The following MNDA variants were observed in gnomAD, a reference collection of about 807,000 sequenced individuals.
The protein encoded by MNDA is myeloid cell nuclear differentiation antigen, also known as epididymis secretory sperm binding protein.
A neutral mutation model predicts 37.8 loss-of-function variants in MNDA; 43 were observed. That is an observed-to-expected ratio of 1.14 (90% CI 0.89 to 1.47). MNDA has a LOEUF of 1.47. Ranked by LOEUF, MNDA falls within the 40% of genes most tolerant of loss-of-function variation. MNDA has a pLI of 0.00. For synonymous variants in MNDA, 181 were observed against 169.0 expected (o/e 1.07, Z -0.55); for missense variants, 536 against 476.0 (o/e 1.13, Z -1.17).
intron 1 of MNDA, among the ~76,000 whole-genome samples, chr1:158,835,372 G>T (rs1658886136): frequency 6.6e-6 from 1 of 151,996 alleles, no homozygotes; most frequent in African/African-American, 2.4e-5. Context: ...ATTGTATACA[G>T]AAAAAGAACT....
chr1:158,847,981 A>C, intron 6 of MNDA, 65 bp downstream of exon 6: 3 of 1,466,530 alleles, frequency 2.0e-6, no homozygotes, highest in Non-Finnish European at 2.8e-6. Context: ...AGGCTTTGGG[A>C]ACACCAGGTT....
chr1:158,839,205 T>C (rs1274119060), intron 1 of MNDA, among the ~76,000 whole-genome samples: 5 of 152,192 alleles, frequency 3.3e-5, no homozygotes, highest in Non-Finnish European at 5.9e-5. Flanking sequence ...CATTGTTAAC[T>C]GGCACCATAT....
Position 158,837,662 on chromosome 1 carries a change from T to C in MNDA, c.-20-4472T>C, listed in dbSNP as rs866578688. ...GTTTTTAAATTCATTGTGATATATATGTATATATAATTTTAATATGCTTTT... is the reference window on the plus strand; with the variant it reads ...GTTTTTAAATTCATTGTGATATATACGTATATATAATTTTAATATGCTTTT... On this transcript the variant is annotated intron_variant, in intron 1 of 6. Transcript: ENST00000368141. Among the ~76,000 whole-genome samples, 36 of 151,840 alleles carry C rather than the reference T, an allele frequency of 2.4e-4. 1 individual carries two copies. The highest frequency in any genetic ancestry group is 8.7e-4 in the African/African-American group (36 of 41,432).
At chr1:158,831,594 G>C (rs1489178089) in intron 1 of MNDA, 37 bp downstream of exon 1, 1 of 152,138 alleles carries the variant, frequency 6.6e-6, no homozygotes, top group Non-Finnish European at 1.5e-5. Context: ...GAAAGATCTA[G>C]GTATCTAGTT....
Position 158,845,966 on chromosome 1 carries a change from C to G in MNDA, c.950C>G (p.Ser317Cys). 1 of 1,614,028 alleles carries G rather than the reference C, an allele frequency of 6.2e-7. No individual in the cohort carries two copies. The highest frequency in any genetic ancestry group is 8.5e-7 in the Non-Finnish European group (1 of 1,179,960). ...PKISQLYKQA[S>C]GTMVYGLFML... ...ATCAGTCAACTTTACAAGCAAGCAT[C>G]TGGAACAATGGTGTATGGGTTGTTT... Residue 317 changes from serine to cysteine, a missense_variant, in exon 5 of 7, where the codon TCT (serine) becomes TGT (cysteine). By Grantham distance (112) the Ser-to-Cys change is moderately radical. Coordinates refer to ENST00000368141, the MANE Select transcript of MNDA (RefSeq NM_002432.3).
At chr1:158,838,922 A>T (rs975545403) in intron 1 of MNDA, among the ~76,000 whole-genome samples, 6 of 151,632 alleles carry the variant, frequency 4.0e-5, no homozygotes, top group South Asian at 2.1e-4. Context: ...AATTTATGGA[A>T]TTTTTTCTGG....
chr1:158,839,494 C>A (rs747426344), intron 1 of MNDA, among the ~76,000 whole-genome samples: 1 of 152,188 alleles, frequency 6.6e-6, no homozygotes, highest in Non-Finnish European at 1.5e-5. Flanking sequence ...CCCACCACTA[C>A]TTTTTGCAGC....
intron 1 of MNDA, among the ~76,000 whole-genome samples, chr1:158,841,066 C>A (rs1558056092): frequency 6.6e-6 from 1 of 152,062 alleles, no homozygotes; most frequent in Non-Finnish European, 1.5e-5. Flanking sequence ...AGAGTGGGAC[C>A]ACAACAGCTC....
chr1:158,838,235 G>A (rs1041435663), intron 1 of MNDA, among the ~76,000 whole-genome samples: 1 of 151,956 alleles, frequency 6.6e-6, no homozygotes, highest in Non-Finnish European at 1.5e-5. Flanking sequence ...GTTTCAGCTT[G>A]AAGAAATCTC....
Position 158,845,698 on chromosome 1 carries a change from CCAGAAAATGGGAAAAGCACAA to C in MNDA, c.683_703del (p.Pro228_Met235delinsLeu). The C allele has an allele frequency of 6.2e-7, 1 of 1,614,082 alleles. No individual in the cohort carries two copies. Among genetic ancestry groups the C allele is most frequent in the Non-Finnish European group, 8.5e-7 (1 of 1,180,010 alleles). ...AACAGCGCCATTTAAATACGAGTCC[CCAGAAAATGGGAAAAGCACAA>C]TGTTTCATGCTACAGTGGCCAGTAA... On this transcript the variant is annotated inframe_deletion, in exon 5 of 7. Transcript: ENST00000368141.
chr1:158,845,577 C>G lies in MNDA; in HGVS notation c.571-10C>G. The G allele has an allele frequency of 6.2e-7, 1 of 1,604,382 alleles. No individual in the cohort carries two copies. The highest frequency in any genetic ancestry group is 8.5e-7 in the Non-Finnish European group (1 of 1,175,542). On this transcript the variant is annotated splice_polypyrimidine_tract_variant and intron_variant, in intron 4 of 6. Transcript: ENST00000368141. ...TTTTAAGTTTATTTTCTTGTGTCTG[C>G]CCAACACAGAATCAGGAAACCCAGG...
chr1:158,837,403 G>A lies in MNDA; in HGVS notation c.-20-4731G>A, dbSNP rs1658940309. Among the ~76,000 whole-genome samples, 4 of 151,794 alleles carry A rather than the reference G, an allele frequency of 2.6e-5. No homozygotes were observed. In the South Asian group the frequency reaches 6.2e-4, roughly 24 times the overall value. On this transcript the variant is annotated intron_variant, in intron 1 of 6. Transcript: ENST00000368141. Reference sequence around the variant, plus strand: ...GAGCCCTGATGTTTTGTGCATGTATGTTTCTAATTGTCATATCTTCTAGGT... The same window carrying A: ...GAGCCCTGATGTTTTGTGCATGTATATTTCTAATTGTCATATCTTCTAGGT...
chr1:158,835,360 C>A (rs1393231269), intron 1 of MNDA, among the ~76,000 whole-genome samples: 1 of 152,016 alleles, frequency 6.6e-6, no homozygotes. Context: ...CTACTTTAAG[C>A]TATTGTATAC....
Position 158,849,484 on chromosome 1 carries a change from A to G in MNDA, c.*247A>G. The G allele has an allele frequency of 2.3e-6, 1 of 434,344 alleles. No homozygotes were observed. The highest frequency in any genetic ancestry group is 4.2e-6 in the Non-Finnish European group (1 of 240,942). The allele number at this position is 434,344 out of a possible 1,614,324, so 26.9% of individuals were successfully genotyped here. A position where few individuals can be genotyped will look rare whatever the true frequency, so the allele number is the denominator to read the frequency against. On this transcript the variant is annotated 3_prime_UTR_variant, in exon 7 of 7. Transcript: ENST00000368141. ...ATGACATTCACGAGGCAAAAAATAAAATATCTTTTTTTGAAGGACATTATT... is the reference window on the plus strand; with the variant it reads ...ATGACATTCACGAGGCAAAAAATAAGATATCTTTTTTTGAAGGACATTATT...
chr1:158,836,140 G>GT (rs928221830), intron 1 of MNDA, among the ~76,000 whole-genome samples: 3 of 133,598 alleles, frequency 2.2e-5, no homozygotes, highest in Non-Finnish European at 4.9e-5. Flanking sequence ...CTAGCATTTT[G>GT]TAAAAAAAAA....
At chr1:158,843,512 A>T in intron 3 of MNDA, 97 bp downstream of exon 3, 1 of 1,245,630 alleles carries the variant, frequency 8.0e-7, no homozygotes, top group East Asian at 2.9e-5. Context: ...GCTTAGATTT[A>T]CCAAATTAGT....
chr1:158,842,216 T>C lies in MNDA; in HGVS notation c.63T>C (p.His21=). The change falls in exon 2 of 7, where the codon CAT becomes CAC. Residue 21 remains histidine, a synonymous_variant. Coordinates refer to ENST00000368141, the MANE Select transcript of MNDA (RefSeq NM_002432.3). ...GATTTGAGCTCATGGATGATTATCA[T>C]TTTACATCAATTAAGTCCTTACTGG... The part of the protein sequence containing the change: ...LKGFELMDDY[H]FTSIKSLLAY... 1 of 1,613,982 alleles carries C rather than the reference T, an allele frequency of 6.2e-7. No individual in the cohort carries two copies. The highest frequency in any genetic ancestry group is 8.5e-7 in the Non-Finnish European group (1 of 1,179,884).
chr1:158,840,103 G>A (rs909125223), intron 1 of MNDA, among the ~76,000 whole-genome samples: 4 of 152,118 alleles, frequency 2.6e-5, no homozygotes, highest in African/African-American at 9.7e-5. Flanking sequence ...TACATTGTAT[G>A]TAGGCACTGC....
At position 158,843,283 on chromosome 1, in the gene MNDA, T is replaced by C; in HGVS notation, c.270T>C (p.Ala90=). Residue 90 remains alanine, a synonymous_variant, in exon 3 of 7, where the codon GCT becomes GCC. Coordinates refer to ENST00000368141, the MANE Select transcript of MNDA (RefSeq NM_002432.3). The stretch of plus-strand genomic sequence containing the variant: ...CTTTTTCTTTTCTTTTGTCAGTTGC[T>C]AAGAAAATTAAAACACAAGAAAAAG... ...NNLRKEKSKV[A]KKIKTQEKAP... The C allele has an allele frequency of 6.2e-7, 1 of 1,607,256 alleles. No individual in the cohort carries two copies.
Sources: allele counts gnomAD v4.1 joint callset (sites outside exome capture counted in the v4.1 genomes callset), GRCh38; gene constraint gnomAD v4.1.1; transcripts MANE v1.5; gene names NCBI Gene and HGNC (gene_info 2026-07-23, HGNC 2026-07-21).